CALD1: variants seen among roughly 807,000 people sequenced by gnomAD.
CALD1 encodes caldesmon.
Under a neutral mutation model 99.9 loss-of-function variants are expected in CALD1, and 33 were observed. That is an observed-to-expected ratio of 0.33 (90% CI 0.25 to 0.44). The LOEUF (loss-of-function observed/expected upper bound fraction) is 0.44, where lower values mean the gene tolerates loss of function less well. Among genes scored for constraint, CALD1 ranks in the 20% least tolerant of loss-of-function variants. The probability of loss-of-function intolerance (pLI) is 1.00; values close to 1 mark genes in which losing one functional copy is unlikely to be tolerated. For missense variants in CALD1, 861 were observed against 962.1 expected, an observed-to-expected ratio of 0.89 and a Z score of 1.39; for synonymous variants, 310 against 325.0, an observed-to-expected ratio of 0.95 and a Z score of 0.50.
intron 3 of CALD1, chr7:134,891,641 G>C (rs1802185993): frequency 6.2e-7 from 1 of 1,608,384 alleles, no homozygotes; most frequent in Non-Finnish European, 8.5e-7. Context: ...GATCCGGATC[G>C]CATGGAAGAC....
At chr7:134,892,639 T>C (rs533480898) in intron 3 of CALD1, among the ~76,000 whole-genome samples, 1 of 152,300 alleles carries the variant, frequency 6.6e-6, no homozygotes, top group African/African-American at 2.4e-5. Flanking sequence ...GGAGAGCTAG[T>C]TTCCGTAAGT....
chr7:134,848,905 A>G (rs1455617453), intron 2 of CALD1, among the ~76,000 whole-genome samples: 2 of 152,232 alleles, frequency 1.3e-5, no homozygotes, highest in Non-Finnish European at 2.9e-5. Flanking sequence ...AAATATGCAT[A>G]TTCAGTCAGT....
chr7:134,913,554 G>A (rs73728004), intron 3 of CALD1, among the ~76,000 whole-genome samples: 4,955 of 152,100 alleles, frequency 0.033, 178 homozygotes, highest in African/African-American at 0.091. Flanking sequence ...ATACATATAC[G>A]TATAAATGTA....
intron 6 of CALD1, among the ~76,000 whole-genome samples, chr7:134,939,658 T>C (rs1418190822): frequency 6.6e-6 from 1 of 152,198 alleles, no homozygotes; most frequent in Non-Finnish European, 1.5e-5. Flanking sequence ...AACTGTGCTC[T>C]GCTTTGTAAA....
At chr7:134,920,706 A>G (rs1189162165) in intron 3 of CALD1, 1 of 1,285,924 alleles carries the variant, frequency 7.8e-7, no homozygotes, top group East Asian at 5.6e-5. Flanking sequence ...GGACCGGTCA[A>G]CTGTCTACTG....
At chr7:134,961,632 A>G (rs1279264060) in intron 13 of CALD1, 2 of 152,214 alleles carry the variant, frequency 1.3e-5, no homozygotes, top group Non-Finnish European at 2.9e-5. Context: ...CGTTTAATTA[A>G]TCTACACCCC....
chr7:134,936,275 T>C (rs1586362571), intron 6 of CALD1, among the ~76,000 whole-genome samples: 1 of 152,196 alleles, frequency 6.6e-6, no homozygotes, highest in Non-Finnish European at 1.5e-5. Context: ...AAAGAAAAGT[T>C]TGGCCAAATG....
upstream of CALD1, among the ~76,000 whole-genome samples, chr7:134,777,481 T>A (rs1796928278): frequency 6.6e-6 from 1 of 152,234 alleles, no homozygotes; most frequent in Non-Finnish European, 1.5e-5. Flanking sequence ...TTCCTGTTGA[T>A]AATATTTTCC....
At chr7:134,786,721 T>C (rs1184939468) in intron 1 of CALD1, among the ~76,000 whole-genome samples, 1 of 152,150 alleles carries the variant, frequency 6.6e-6, no homozygotes, top group Non-Finnish European at 1.5e-5. Flanking sequence ...GGTAAGATAG[T>C]TCCAAAACAC....
At chr7:134,912,987 G>T (rs1292304700) in intron 3 of CALD1, among the ~76,000 whole-genome samples, 1 of 152,118 alleles carries the variant, frequency 6.6e-6, no homozygotes, top group African/African-American at 2.4e-5. Context: ...AAGCGGGGCT[G>T]AGCGTGGTGG....
intron 3 of CALD1, among the ~76,000 whole-genome samples, chr7:134,905,019 A>C (rs554748274): frequency 6.6e-6 from 1 of 152,300 alleles, no homozygotes; most frequent in East Asian, 1.9e-4. Flanking sequence ...AAAAAGAAAG[A>C]GAAAAGTAAT....
chr7:134,890,669 C>A (rs1244622903), intron 3 of CALD1, among the ~76,000 whole-genome samples: 2 of 152,198 alleles, frequency 1.3e-5, no homozygotes, highest in Non-Finnish European at 2.9e-5. Flanking sequence ...AACACCACCC[C>A]CTCCTCAGGA....
intron 2 of CALD1, among the ~76,000 whole-genome samples, chr7:134,864,124 G>A (rs1020399779): frequency 9.2e-5 from 14 of 152,090 alleles, no homozygotes; most frequent in Non-Finnish European, 2.1e-4. Context: ...GCCGAGGGGA[G>A]GATCACCTGA....
intron 4 of CALD1, among the ~76,000 whole-genome samples, chr7:134,930,791 G>T (rs1805462462): frequency 6.6e-6 from 1 of 152,174 alleles, no homozygotes; most frequent in African/African-American, 2.4e-5. Context: ...AAAATGCAGT[G>T]TCTTACACAT....
chr7:134,794,518 A>G (rs957307396), intron 1 of CALD1, among the ~76,000 whole-genome samples: 4 of 151,810 alleles, frequency 2.6e-5, no homozygotes, highest in Admixed American at 6.6e-5. Flanking sequence ...ACAGAGTCTC[A>G]CTCTGTCGCC....
chr7:134,858,819 C>T lies in CALD1; in HGVS notation c.-41-8874C>T, dbSNP rs539831747. Among the ~76,000 whole-genome samples, 46 of 152,262 alleles carry T rather than the reference C, an allele frequency of 3.0e-4. No individual in the cohort carries two copies. In the Middle Eastern group the frequency reaches 0.017, roughly 56 times the overall value. The stretch of plus-strand genomic sequence containing the variant: ...CCCTGACCTTGTGATCCACCTGCCT[C>T]GGCCTCCCAAAGTGCTGGGATCACA... On this transcript the variant is annotated intron_variant, in intron 2 of 14. Transcript: ENST00000361675.
intron 14 of CALD1, among the ~76,000 whole-genome samples, chr7:134,967,533 G>A (rs1447952275): frequency 6.6e-6 from 1 of 152,094 alleles, no homozygotes; most frequent in East Asian, 1.9e-4. Context: ...GTCTCGTGGG[G>A]TAGGGGTGTA....
intron 1 of CALD1, among the ~76,000 whole-genome samples, chr7:134,806,309 C>G (rs1366397515): frequency 6.6e-6 from 1 of 152,172 alleles, no homozygotes; most frequent in Non-Finnish European, 1.5e-5. Flanking sequence ...TTTTCTCCCC[C>G]CAGCCCACGG....
chr7:134,924,719 G>A (rs973772212), intron 3 of CALD1, among the ~76,000 whole-genome samples: 7 of 151,970 alleles, frequency 4.6e-5, no homozygotes, highest in South Asian at 2.1e-4. Context: ...ATTTTGCCCC[G>A]TGATATCGTT....
Sources: gnomAD v4.1 joint callset for allele counts (sites outside exome capture counted in the v4.1 genomes callset) on GRCh38, gnomAD v4.1.1 for gene constraint, MANE v1.5 for transcripts, NCBI Gene and HGNC (gene_info 2026-07-23, HGNC 2026-07-21) for gene names.